Variants in MACF1 observed in about 807,000 individuals in gnomAD.
MACF1 encodes microtubule actin crosslinking factor 1, also known as microtubule-actin cross-linking factor 1.
In MACF1, 193 loss-of-function variants were observed where a neutral mutation model predicts 854.8. The ratio of observed to expected loss-of-function variants is 0.23; its 90% confidence interval spans 0.20 to 0.25. The LOEUF (loss-of-function observed/expected upper bound fraction) is 0.25. MACF1 is among the 10% of genes least tolerant of loss of function. The pLI is 1.00. For missense variants in MACF1, 7,722 were observed against 8,929.1 expected, an observed-to-expected ratio of 0.86 and a Z score of 5.45; for synonymous variants, 3,185 against 3,226.7, an observed-to-expected ratio of 0.99 and a Z score of 0.44.
intron 52 of MACF1, among the ~76,000 whole-genome samples, chr1:39,378,011 A>G (rs944276743): frequency 1.4e-5 from 2 of 146,560 alleles, no homozygotes; most frequent in African/African-American, 5.0e-5. Context: ...CTCAAAAAAG[A>G]AAAAAAAAAA....
At chr1:39,234,953 C>T (rs1644841630) in intron 2 of MACF1, among the ~76,000 whole-genome samples, 1 of 151,500 alleles carries the variant, frequency 6.6e-6, no homozygotes, top group Non-Finnish European at 1.5e-5. Flanking sequence ...GTGATGGCGG[C>T]AGGGAAGAGG....
chr1:39,334,138 C>G lies in MACF1; in HGVS notation c.7550C>G (p.Ser2517Cys). The change falls in exon 37 of 101, where the codon TCT (serine) becomes TGT (cysteine). Residue 2517 changes from serine (S) to cysteine (C), a missense_variant. Ser to Cys is a moderately radical substitution (Grantham distance 112). Transcript: ENST00000564288. ...IIHHISGMRL[S>C]VDNAFRHGLI... ...CACCATATATCTGGGATGAGACTTT[C>G]TGTTGATAATGCCTTCAGACATGGC... The G allele has an allele frequency of 6.2e-7, 1 of 1,614,146 alleles. No individual in the cohort carries two copies. The highest frequency in any genetic ancestry group is 8.5e-7 in the Non-Finnish European group (1 of 1,180,014).
chr1:39,351,099 A>C, intron 43 of MACF1, 81 bp downstream of exon 43: 3 of 996,300 alleles, frequency 3.0e-6, no homozygotes, highest in African/African-American at 1.6e-5. Context: ...GTGAGGGGAA[A>C]ACAGGCTTAT....
Position 39,433,060 on chromosome 1 carries a change from G to T in MACF1, c.17470G>T (p.Asp5824Tyr). The change falls in exon 68 of 101, where the codon GAC becomes TAC. Residue 5824 changes from aspartate to tyrosine, a missense_variant. Asp to Tyr is a radical substitution (Grantham distance 160). Transcript: ENST00000564288. ...TTACTTTTCAAAGGCTTTCTCCATT[G>T]ACATTATTCGACACAAAGATTCAAT... The part of the protein sequence containing the change: ...QLQVQKAFSI[D>Y]IIRHKDSMDE... 1 of 1,607,866 alleles carries T rather than the reference G, an allele frequency of 6.2e-7. No individual in the cohort carries two copies. Among genetic ancestry groups the T allele is most frequent in the South Asian group, 1.1e-5 (1 of 90,358 alleles).
intron 57 of MACF1, among the ~76,000 whole-genome samples, chr1:39,386,493 A>G (rs1277971397): frequency 6.7e-6 from 1 of 149,228 alleles, no homozygotes; most frequent in East Asian, 2.0e-4. Context: ...GTGCAGTGGC[A>G]CGATCTTGGA....
At chr1:39,410,916 G>C (rs1408156392) in intron 58 of MACF1, 24 of 1,614,014 alleles carry the variant, frequency 1.5e-5, no homozygotes, top group Non-Finnish European at 1.9e-5. Flanking sequence ...GAGACTGCCA[G>C]GACTTTAGAT....
chr1:39,166,236 T>G (rs1329576190), intron 2 of MACF1, among the ~76,000 whole-genome samples: 1 of 150,946 alleles, frequency 6.6e-6, no homozygotes, highest in Non-Finnish European at 1.5e-5. Flanking sequence ...CTGGTCTAAT[T>G]TTTGTATTTT....
intron 6 of MACF1, among the ~76,000 whole-genome samples, chr1:39,266,152 ACT>A (rs770707701): frequency 6.6e-6 from 1 of 152,072 alleles, no homozygotes; most frequent in Non-Finnish European, 1.5e-5. Flanking sequence ...TCTCAGAGAA[ACT>A]CTACAGCAGT....
chr1:39,252,031 G>C (rs1645045476), intron 4 of MACF1, 90 bp downstream of exon 4: 3 of 804,584 alleles, frequency 3.7e-6, no homozygotes, highest in Non-Finnish European at 5.1e-6. Context: ...TCTCGAAGTA[G>C]TTCAGTTACT....
chr1:39,253,901 T>G (rs1355767332), intron 4 of MACF1, among the ~76,000 whole-genome samples: 7 of 152,232 alleles, frequency 4.6e-5, no homozygotes, highest in African/African-American at 1.7e-4. Flanking sequence ...ATTAGGACTT[T>G]CCACCCTTTC....
At chr1:39,466,588 T>G (rs904122616) in intron 95 of MACF1, among the ~76,000 whole-genome samples, 1 of 152,152 alleles carries the variant, frequency 6.6e-6, no homozygotes, top group Non-Finnish European at 1.5e-5. Flanking sequence ...GAAAACCCTT[T>G]GCAGTGACTC....
intron 30 of MACF1, among the ~76,000 whole-genome samples, chr1:39,319,453 T>C (rs1050062145): frequency 2.6e-5 from 4 of 152,040 alleles, no homozygotes; most frequent in African/African-American, 9.7e-5. Context: ...CTACAAAAGA[T>C]TAAAAAGACA....
In MACF1 at chr1:39,485,567, A is replaced by G; in HGVS notation, c.22441A>G (p.Ser7481Gly). 1 of 1,613,720 alleles carries G rather than the reference A, an allele frequency of 6.2e-7. No homozygotes were observed. The highest frequency in any genetic ancestry group is 8.5e-7 in the Non-Finnish European group (1 of 1,179,802). Residue 7481 changes from serine (S) to glycine (G), a missense_variant, in exon 101 of 101, where the codon AGT becomes GGT. This residue lies in a region of MACF1 where 185 missense variants were observed against 225.7 expected (regional missense o/e 0.82). Transcript: ENST00000564288. ...DPKKSASRPGSRAGSRAGSRA... is the reference protein window; with the variant it reads ...DPKKSASRPGGRAGSRAGSRA... The stretch of plus-strand genomic sequence containing the variant: ...TAAAAAGTCTGCCAGTCGCCCTGGG[A>G]GTCGGGCTGGGAGTCGAGCCGGGAG...
At position 39,385,873 on chromosome 1, in the gene MACF1, T is replaced by C; in HGVS notation, c.14288T>C (p.Leu4763Pro). 1 of 1,614,092 alleles carries C rather than the reference T, an allele frequency of 6.2e-7. No homozygotes were observed. The highest frequency in any genetic ancestry group is 1.1e-5 in the South Asian group (1 of 91,078). The change falls in exon 57 of 101, where the codon CTG (leucine) becomes CCG (proline). Residue 4763 changes from leucine to proline, a missense_variant. By Grantham distance (98) the Leu-to-Pro change is moderately conservative (BLOSUM62 -3). Around this residue, in one of 15 missense-constraint regions of MACF1, gnomAD observed 2,807 missense variants for 3,235.8 expected, o/e 0.87. Coordinates refer to ENST00000564288, the MANE Select transcript of MACF1 (RefSeq NM_001394062.1). ...LIGEQYLKDE[L>P]KKRLETVALP... ...GGTGAGCAGTACCTCAAGGATGAACTGAAGAAGCGTTTGGAGACAGTTGCC... is the reference window on the plus strand; with the variant it reads ...GGTGAGCAGTACCTCAAGGATGAACCGAAGAAGCGTTTGGAGACAGTTGCC...
intron 2 of MACF1, among the ~76,000 whole-genome samples, chr1:39,108,507 T>G (rs941167623): frequency 3.6e-5 from 4 of 112,342 alleles, no homozygotes; most frequent in African/African-American, 1.1e-4. Flanking sequence ...CATGAGAGGG[T>G]TTTTTTTTTT....
At chr1:39,447,386 T>C (rs780235053) in intron 80 of MACF1, 46 bp from the exon 81 acceptor site, 6 of 1,594,406 alleles carry the variant, frequency 3.8e-6, no homozygotes, top group Non-Finnish European at 5.1e-6. Context: ...ATTCCTGAAA[T>C]TGGCGCTTTT....
At chr1:39,140,914 C>CAAAAAAA in intron 2 of MACF1, among the ~76,000 whole-genome samples, 1 of 48,270 alleles carries the variant, frequency 2.1e-5, no homozygotes, top group Non-Finnish European at 3.4e-5. Context: ...GACTCTGTCT[C>CAAAAAAA]AAAAAAAAAA....
chr1:39,403,894 C>T (rs913248965), intron 58 of MACF1, among the ~76,000 whole-genome samples: 5 of 151,926 alleles, frequency 3.3e-5, no homozygotes, highest in East Asian at 1.9e-4. Flanking sequence ...TTTGGGAGGC[C>T]GAGGCGGGCA....
At chr1:39,328,009 T>G (rs1375749839) in intron 36 of MACF1, among the ~76,000 whole-genome samples, 1 of 152,204 alleles carries the variant, frequency 6.6e-6, no homozygotes, top group Non-Finnish European at 1.5e-5. Flanking sequence ...TATATGTGTG[T>G]TTGCCTGCTT....
Sources: gnomAD v4.1 joint callset for allele counts (sites outside exome capture counted in the v4.1 genomes callset) on GRCh38, gnomAD v4.1.1 for gene constraint, gnomAD v4.1.1 regional missense constraint, MANE v1.5 for transcripts, NCBI Gene and HGNC (gene_info 2026-07-23, HGNC 2026-07-21) for gene names.